Variants in MARCHF11 observed in about 807,000 individuals in gnomAD.
MARCHF11 encodes membrane associated ring-CH-type finger 11, also known as E3 ubiquitin-protein ligase MARCHF11.
In MARCHF11, 29 loss-of-function variants were observed where a neutral mutation model predicts 37.3. The observed-to-expected ratio is 0.78, with a 90% confidence interval of 0.58 to 1.06. The LOEUF (loss-of-function observed/expected upper bound fraction) is 1.06, where lower values mean the gene tolerates loss of function less well. Ranked by LOEUF, MARCHF11 falls within the 50% of genes least tolerant of loss-of-function variation. The pLI is 0.00. For missense variants in MARCHF11, 482 were observed against 533.4 expected (o/e 0.90, Z 0.95); for synonymous variants, 233 against 228.0 (o/e 1.02, Z -0.20).
chr5:16,179,302 C>T lies in MARCHF11; in HGVS notation c.274G>A (p.Ala92Thr). Reference sequence around the variant, plus strand: ...CCGGCCGCCGCCACTTCCTGGCCGGCGGGCTGCAGGGGCAGGGGCGGAGGC... The same window carrying T: ...CCGGCCGCCGCCACTTCCTGGCCGGTGGGCTGCAGGGGCAGGGGCGGAGGC... ...LPPPPLPLQPAGQEVAAAGDS... is the reference protein window; with the variant it reads ...LPPPPLPLQPTGQEVAAAGDS... Residue 92 changes from alanine (A) to threonine (T), a missense_variant, in exon 1 of 4, where the codon GCC becomes ACC. Physicochemically the swap from Ala to Thr is moderately conservative, Grantham distance 58. Transcript: ENST00000332432. 2 of 1,272,958 alleles carry T rather than the reference C, an allele frequency of 1.6e-6. No homozygotes were observed. Among genetic ancestry groups the T allele is most frequent in the Non-Finnish European group, 2.0e-6 (2 of 1,010,976 alleles). 78.9% of individuals were successfully genotyped at this position (1,272,958 alleles called of 1,614,324 possible).
At chr5:16,077,884 CTT>C (rs1284882026) in intron 3 of MARCHF11, among the ~76,000 whole-genome samples, 1 of 152,096 alleles carries the variant, frequency 6.6e-6, no homozygotes, top group East Asian at 1.9e-4. Flanking sequence ...GTTTTAGACT[CTT>C]TTGCACTCTA....
chr5:16,110,559 A>T (rs1010314752), intron 2 of MARCHF11, among the ~76,000 whole-genome samples: 11 of 152,198 alleles, frequency 7.2e-5, no homozygotes, highest in African/African-American at 2.7e-4. Flanking sequence ...TTTCTTTTAA[A>T]TATGTTTTTT....
intron 2 of MARCHF11, among the ~76,000 whole-genome samples, chr5:16,154,976 T>C (rs190738101): frequency 1.1e-3 from 161 of 152,010 alleles, no homozygotes; most frequent in African/African-American, 3.6e-3. Context: ...CCAACATTCC[T>C]ACCACATCTG....
intron 2 of MARCHF11, among the ~76,000 whole-genome samples, chr5:16,128,614 G>C (rs947662874): frequency 1.3e-5 from 2 of 152,186 alleles, no homozygotes; most frequent in African/African-American, 4.8e-5. Flanking sequence ...TTCTAAGCTG[G>C]TGTGACCTGA....
At chr5:16,113,552 G>A (rs936506959) in intron 2 of MARCHF11, among the ~76,000 whole-genome samples, 1 of 152,128 alleles carries the variant, frequency 6.6e-6, no homozygotes, top group African/African-American at 2.4e-5. Flanking sequence ...ACTTTTGCAG[G>A]AAGCTAATAT....
At chr5:16,098,388 T>C (rs112548633) in intron 2 of MARCHF11, among the ~76,000 whole-genome samples, 389 of 152,364 alleles carry the variant, frequency 2.6e-3, no homozygotes, top group African/African-American at 9.0e-3. Context: ...TCTTTTTAGA[T>C]AGCATGATTA....
At chr5:16,147,739 G>A (rs767595835) in intron 2 of MARCHF11, among the ~76,000 whole-genome samples, 2 of 152,124 alleles carry the variant, frequency 1.3e-5, no homozygotes, top group Non-Finnish European at 2.9e-5. Context: ...ACCTGTTTAT[G>A]CAACCAAATA....
intron 2 of MARCHF11, among the ~76,000 whole-genome samples, chr5:16,113,759 T>C (rs1737185669): frequency 6.6e-6 from 1 of 152,212 alleles, no homozygotes; most frequent in Admixed American, 6.5e-5. Context: ...ATCCATTACC[T>C]CCAATATTTA....
rs1738419923 is a variant in MARCHF11 at position 16,179,174 on chromosome 5, G to T, written c.402C>A (p.Gly134=). Residue 134 remains glycine, a synonymous_variant, in exon 1 of 4, where the codon GGC becomes GGA. Coordinates refer to ENST00000332432, the MANE Select transcript of MARCHF11 (RefSeq NM_001102562.3). ...AGCGCGTCTCGGGCTGGTCTCCGGCGCCCCGCCGCTCGCGCTCGCCGCCCG... is the reference window on the plus strand; with the variant it reads ...AGCGCGTCTCGGGCTGGTCTCCGGCTCCCCGCCGCTCGCGCTCGCCGCCCG... The part of the protein sequence containing the change: ...AGAGGERERR[G]AGDQPETRSV... 7.3e-7 allele frequency: 1 copy of T among 1,371,432 alleles called. No individual in the cohort carries two copies. Among genetic ancestry groups the T allele is most frequent in the Non-Finnish European group, 9.3e-7 (1 of 1,069,908 alleles). 85.0% of individuals were successfully genotyped at this position (1,371,432 alleles called of 1,614,324 possible). A position where few individuals can be genotyped will look rare whatever the true frequency, so the allele number is the denominator to read the frequency against.
At chr5:16,099,060 C>G (rs532832878) in intron 2 of MARCHF11, among the ~76,000 whole-genome samples, 1 of 151,834 alleles carries the variant, frequency 6.6e-6, no homozygotes, top group Admixed American at 6.6e-5. Flanking sequence ...ACTTTTTAAG[C>G]TTAATAAAAG....
intron 2 of MARCHF11, among the ~76,000 whole-genome samples, chr5:16,150,369 T>C (rs1737870515): frequency 6.7e-6 from 1 of 149,230 alleles, no homozygotes; most frequent in Non-Finnish European, 1.5e-5. Flanking sequence ...ATAAATGTGC[T>C]CCTGCCTACC....
At chr5:16,080,936 C>T (rs925450153) in intron 3 of MARCHF11, among the ~76,000 whole-genome samples, 1 of 152,148 alleles carries the variant, frequency 6.6e-6, no homozygotes, top group African/African-American at 2.4e-5. Context: ...TCCCGAGCTC[C>T]ACCCACAGGC....
At chr5:16,085,012 G>A (rs1459048662) in intron 3 of MARCHF11, among the ~76,000 whole-genome samples, 1 of 151,040 alleles carries the variant, frequency 6.6e-6, no homozygotes, top group Non-Finnish European at 1.5e-5. Flanking sequence ...GTGTGTGTGT[G>A]CGCCTATATC....
chr5:16,178,422 C>T (rs1165243812), intron 1 of MARCHF11, among the ~76,000 whole-genome samples: 3 of 152,188 alleles, frequency 2.0e-5, no homozygotes, highest in African/African-American at 7.2e-5. Flanking sequence ...CTATCATTTC[C>T]TCTGCATGAT....
At chr5:16,156,248 A>G (rs1737976200) in intron 2 of MARCHF11, among the ~76,000 whole-genome samples, 1 of 151,900 alleles carries the variant, frequency 6.6e-6, no homozygotes, top group Admixed American at 6.6e-5. Flanking sequence ...TTCCACTGTT[A>G]GACTCTGATG....
intron 2 of MARCHF11, among the ~76,000 whole-genome samples, chr5:16,097,910 C>T (rs1403648330): frequency 1.3e-5 from 2 of 152,162 alleles, no homozygotes; most frequent in Non-Finnish European, 2.9e-5. Flanking sequence ...GGCCAATATT[C>T]TTTATGAGCA....
At chr5:16,149,224 G>A (rs1737851384) in intron 2 of MARCHF11, among the ~76,000 whole-genome samples, 1 of 152,088 alleles carries the variant, frequency 6.6e-6, no homozygotes, top group Admixed American at 6.6e-5. Context: ...CCTTTGAAAT[G>A]TGAGGTCTTC....
At chr5:16,167,241 A>C (rs1005333016) in intron 2 of MARCHF11, among the ~76,000 whole-genome samples, 4 of 152,044 alleles carry the variant, frequency 2.6e-5, no homozygotes, top group Admixed American at 2.6e-4. Context: ...AAGTCCCAAG[A>C]TCTGCAATCA....
chr5:16,083,699 C>T (rs530624874), intron 3 of MARCHF11, among the ~76,000 whole-genome samples: 61 of 152,194 alleles, frequency 4.0e-4, no homozygotes, highest in South Asian at 2.9e-3. Flanking sequence ...TGAGAGATAC[C>T]GGAGGGCATG....
Sources: gnomAD v4.1 joint callset for allele counts (sites outside exome capture counted in the v4.1 genomes callset) on GRCh38, gnomAD v4.1.1 for gene constraint, MANE v1.5 for transcripts, NCBI Gene and HGNC (gene_info 2026-07-23, HGNC 2026-07-21) for gene names.